HTR4: variants seen among roughly 807,000 people sequenced by gnomAD.
HTR4 encodes 5-hydroxytryptamine (serotonin) receptor 4, G protein-coupled.
HTR4 carries 16 observed loss-of-function variants against 36.8 expected under a neutral mutation model. That is an observed-to-expected ratio of 0.43 (90% CI 0.29 to 0.66). The LOEUF (loss-of-function observed/expected upper bound fraction) is 0.66, where lower values mean the gene tolerates loss of function less well. Among genes scored for constraint, HTR4 ranks in the 30% least tolerant of loss-of-function variants. The probability of loss-of-function intolerance (pLI) is 0.13; values close to 1 mark genes in which losing one functional copy is unlikely to be tolerated. For synonymous variants in HTR4, 189 were observed against 185.1 expected (o/e 1.02, Z -0.17); for missense variants, 438 against 490.9 (o/e 0.89, Z 1.02).
chr5:148,589,114 T>C (rs28406232), intron 2 of HTR4, among the ~76,000 whole-genome samples: 21,613 of 152,100 alleles, frequency 0.14, 1,788 homozygotes, highest in African/African-American at 0.22. Flanking sequence ...ATAGATAATT[T>C]GCTTCTACTA....
intron 6 of HTR4, among the ~76,000 whole-genome samples, chr5:148,486,790 T>G (rs1216784981): frequency 6.6e-6 from 1 of 152,190 alleles, no homozygotes; most frequent in Non-Finnish European, 1.5e-5. Flanking sequence ...TTTGGATTTG[T>G]ATTAAAGAAT....
intron 1 of HTR4, among the ~76,000 whole-genome samples, chr5:148,652,847 G>A (rs1040483495): frequency 1.3e-5 from 2 of 152,082 alleles, no homozygotes; most frequent in East Asian, 3.8e-4. Flanking sequence ...ATTAAGAAAT[G>A]ACTTGCTAAT....
Position 148,560,265 on chromosome 5 carries a change from A to G in HTR4, c.27-10003T>C, listed in dbSNP as rs148522677. ...AAGATAGTTTGCATAGCCTTATTCC[A>G]TAATATGAAGCATCAGAGCAGTGGT... On this transcript the variant is annotated intron_variant, in intron 2 of 6. Transcript: ENST00000377888. 1.8e-3 allele frequency among the ~76,000 whole-genome samples: 280 copies of G among 151,496 alleles called. 6 individuals carry two copies. In the East Asian group the frequency reaches 0.03, roughly 16 times the overall value.
intron 3 of HTR4, among the ~76,000 whole-genome samples, chr5:148,549,894 T>G (rs1759595908): frequency 2.0e-5 from 3 of 152,156 alleles, no homozygotes; most frequent in African/African-American, 7.2e-5. Flanking sequence ...TGATCACAAC[T>G]ATAAACACAT....
chr5:148,560,705 C>T (rs1760169175), intron 2 of HTR4, among the ~76,000 whole-genome samples: 1 of 152,026 alleles, frequency 6.6e-6, no homozygotes, highest in Non-Finnish European at 1.5e-5. Context: ...CATGATGCCC[C>T]CTTTTCAGAA....
intron 2 of HTR4, among the ~76,000 whole-genome samples, chr5:148,603,189 C>T (rs1762055521): frequency 6.6e-6 from 1 of 151,898 alleles, no homozygotes; most frequent in African/African-American, 2.4e-5. Context: ...TTGAATAAAA[C>T]CGCATCTAAA....
chr5:148,549,171 C>T (rs995861275), intron 3 of HTR4, among the ~76,000 whole-genome samples: 10 of 152,100 alleles, frequency 6.6e-5, no homozygotes, highest in Admixed American at 3.9e-4. Context: ...TCTGAGTTTC[C>T]CTGCACATAT....
chr5:148,511,946 C>T (rs914367392), intron 5 of HTR4, among the ~76,000 whole-genome samples: 4 of 152,076 alleles, frequency 2.6e-5, no homozygotes, highest in African/African-American at 9.7e-5. Flanking sequence ...TAGGATTTGT[C>T]TTATGTTTTG....
chr5:148,472,609 T>C (rs1245605200), downstream of HTR4, among the ~76,000 whole-genome samples: 2 of 152,190 alleles, frequency 1.3e-5, no homozygotes, highest in Non-Finnish European at 2.9e-5. Context: ...CAGGGAACTA[T>C]GTCCTGTGGA....
At chr5:148,627,048 T>C (rs1404928466) in intron 2 of HTR4, among the ~76,000 whole-genome samples, 2 of 152,192 alleles carry the variant, frequency 1.3e-5, no homozygotes, top group African/African-American at 4.8e-5. Context: ...GAAATGCTAC[T>C]TCATAAATTT....
chr5:148,465,857 T>A (rs199684211), intron 5 of HTR4: 16 of 1,611,406 alleles, frequency 9.9e-6, no homozygotes, highest in African/African-American at 2.7e-5. Flanking sequence ...TACAGAGCAC[T>A]TTCAGAGTTA....
chr5:148,522,603 G>A (rs890660401), intron 5 of HTR4, among the ~76,000 whole-genome samples: 3 of 152,160 alleles, frequency 2.0e-5, no homozygotes, highest in African/African-American at 4.8e-5. Context: ...AAGCAGTAAA[G>A]CAGACTTTAT....
In HTR4 at chr5:148,548,828, C is replaced by CA. The variant is rs1444960361; in HGVS notation, c.192dup (p.Ala65CysfsTer16). 1 of 1,613,362 alleles carries CA rather than the reference C, an allele frequency of 6.2e-7. No homozygotes were observed. Among genetic ancestry groups the CA allele is most frequent in the Non-Finnish European group, 8.5e-7 (1 of 1,179,916 alleles). On this transcript the variant is annotated frameshift_variant, in exon 4 of 7. Transcript: ENST00000377888. LOFTEE classifies it high-confidence loss of function. Reference sequence around the variant, plus strand: ...ACCAGCACCGAAACCAGCAGATCCGCAAAAGCAAGAGATACAATGAAATAA... The same window carrying CA: ...ACCAGCACCGAAACCAGCAGATCCGCAAAAAGCAAGAGATACAATGAAATAA...
At chr5:148,514,114 G>T (rs1487513518) in intron 5 of HTR4, among the ~76,000 whole-genome samples, 1 of 151,646 alleles carries the variant, frequency 6.6e-6, no homozygotes, top group Non-Finnish European at 1.5e-5. Flanking sequence ...TTGCTTTATT[G>T]AGCTTGATAG....
At chr5:148,487,757 A>G (rs1348585906) in intron 6 of HTR4, among the ~76,000 whole-genome samples, 2 of 151,692 alleles carry the variant, frequency 1.3e-5, no homozygotes, top group African/African-American at 2.4e-5. Context: ...AGAGATAGAG[A>G]CAGTAGAGAG....
chr5:148,607,374 G>T (rs1342723021), intron 2 of HTR4, among the ~76,000 whole-genome samples: 2 of 152,180 alleles, frequency 1.3e-5, no homozygotes, highest in Admixed American at 6.5e-5. Context: ...GGCCTAGCCT[G>T]CCCATGCTGT....
intron 2 of HTR4, among the ~76,000 whole-genome samples, chr5:148,572,812 C>A (rs1024844790): frequency 6.6e-6 from 1 of 152,070 alleles, no homozygotes; most frequent in Non-Finnish European, 1.5e-5. Context: ...TTTTCACTGT[C>A]CCTCACCCTC....
chr5:148,493,860 C>T (rs962136137), intron 6 of HTR4, among the ~76,000 whole-genome samples: 9 of 152,184 alleles, frequency 5.9e-5, no homozygotes, highest in African/African-American at 2.2e-4. Flanking sequence ...CAGATTAAGT[C>T]TGTTTTGGCT....
At chr5:148,534,736 C>G (rs1185216064) in intron 4 of HTR4, among the ~76,000 whole-genome samples, 1 of 152,048 alleles carries the variant, frequency 6.6e-6, no homozygotes, top group Non-Finnish European at 1.5e-5. Context: ...AACTTGGGCC[C>G]CAGCACATAC....
Sources: allele counts gnomAD v4.1 joint callset (sites outside exome capture counted in the v4.1 genomes callset), GRCh38; gene constraint gnomAD v4.1.1; transcripts MANE v1.5; gene names NCBI Gene and HGNC (gene_info 2026-07-23, HGNC 2026-07-21).